The following RBFOX1 variants were observed in gnomAD, a reference collection of about 807,000 sequenced individuals.
The protein encoded by RBFOX1 is RNA binding fox-1 homolog 1, also known as RNA binding protein fox-1 homolog 1.
RBFOX1 carries 8 observed loss-of-function variants against 57.7 expected under a neutral mutation model. The ratio of observed to expected loss-of-function variants is 0.14; its 90% CI spans 0.08 to 0.25. The LOEUF (loss-of-function observed/expected upper bound fraction) is 0.25. RBFOX1 is among the 10% of genes least tolerant of loss of function. The pLI is 1.00. For synonymous variants in RBFOX1, 326 were observed against 222.4 expected (o/e 1.47, Z -4.15); for missense variants, 611 against 548.5 (o/e 1.11, Z -1.14).
chr16:6,218,073 G>A (rs1171708767), intron 1 of RBFOX1, among the ~76,000 whole-genome samples: 1 of 152,124 alleles, frequency 6.6e-6, no homozygotes, highest in Non-Finnish European at 1.5e-5. Flanking sequence ...AGTTCTGAAA[G>A]AAATTTTAAA....
intron 3 of RBFOX1, among the ~76,000 whole-genome samples, chr16:5,837,470 C>G (rs926553599): frequency 6.6e-6 from 1 of 152,046 alleles, no homozygotes; most frequent in Non-Finnish European, 1.5e-5. Context: ...AGAATTGCAA[C>G]GACTCTCAGC....
At chr16:5,725,110 T>A (rs1005821273) in intron 3 of RBFOX1, among the ~76,000 whole-genome samples, 1 of 152,188 alleles carries the variant, frequency 6.6e-6, no homozygotes, top group Non-Finnish European at 1.5e-5. Context: ...CCAGTACTAA[T>A]AAAATATTTG....
intron 1 of RBFOX1, among the ~76,000 whole-genome samples, chr16:6,182,241 G>T (rs971320790): frequency 6.6e-6 from 1 of 152,186 alleles, no homozygotes; most frequent in Non-Finnish European, 1.5e-5. Flanking sequence ...GTTACTGGAA[G>T]ATTAGGAACT....
intron 2 of RBFOX1, among the ~76,000 whole-genome samples, chr16:5,494,620 A>C (rs183293000): frequency 2.3e-4 from 35 of 152,274 alleles, no homozygotes; most frequent in African/African-American, 8.4e-4. Flanking sequence ...GTGTTCCTGG[A>C]GCCTGTGGGC....
intron 1 of RBFOX1, among the ~76,000 whole-genome samples, chr16:5,372,764 A>G (rs189572234): frequency 6.6e-6 from 1 of 152,234 alleles, no homozygotes; most frequent in African/African-American, 2.4e-5. Flanking sequence ...TTTGATTGCA[A>G]ATAAGGAGAT....
At chr16:7,260,454 T>A (rs2094874209) in intron 4 of RBFOX1, among the ~76,000 whole-genome samples, 1 of 151,858 alleles carries the variant, frequency 6.6e-6, no homozygotes, top group Non-Finnish European at 1.5e-5. Flanking sequence ...TTGTTCTGGG[T>A]GCTAAGGCAC....
intron 1 of RBFOX1, among the ~76,000 whole-genome samples, chr16:6,051,965 A>G (rs2095556577): frequency 6.6e-6 from 1 of 152,140 alleles, no homozygotes; most frequent in Admixed American, 6.5e-5. Flanking sequence ...CCTCACCTGG[A>G]CCGACAAGTT....
At chr16:6,987,302 G>C (rs139582316) in intron 3 of RBFOX1, among the ~76,000 whole-genome samples, 2 of 152,072 alleles carry the variant, frequency 1.3e-5, no homozygotes, top group Admixed American at 6.5e-5. Flanking sequence ...ATCTGGTTCA[G>C]TCCCTGAAGT....
intron 3 of RBFOX1, among the ~76,000 whole-genome samples, chr16:5,757,878 C>G (rs2053455812): frequency 6.6e-6 from 1 of 152,172 alleles, no homozygotes; most frequent in African/African-American, 2.4e-5. Flanking sequence ...GGGTCTCAAG[C>G]AATGAGAAGC....
At chr16:6,656,071 T>C (rs1185300494) in intron 3 of RBFOX1, among the ~76,000 whole-genome samples, 1 of 152,186 alleles carries the variant, frequency 6.6e-6, no homozygotes, top group Admixed American at 6.5e-5. Flanking sequence ...CATGTTTGCA[T>C]TCACCATGTG....
At chr16:7,152,841 C>G (rs2076356725) in intron 4 of RBFOX1, among the ~76,000 whole-genome samples, 1 of 152,036 alleles carries the variant, frequency 6.6e-6, no homozygotes, top group African/African-American at 2.4e-5. Context: ...GTGGGTGGCA[C>G]CGAGTCTTGC....
intron 2 of RBFOX1, among the ~76,000 whole-genome samples, chr16:6,414,535 G>A (rs1232895096): frequency 6.6e-6 from 1 of 152,210 alleles, no homozygotes; most frequent in Admixed American, 6.5e-5. Flanking sequence ...GTTTCCGGCA[G>A]TGACAAGTGC....
intron 3 of RBFOX1, among the ~76,000 whole-genome samples, chr16:7,021,834 G>A (rs1018014537): frequency 1.3e-5 from 2 of 151,188 alleles, no homozygotes; most frequent in Admixed American, 6.6e-5. Context: ...ATTCTTGAAG[G>A]TAGTTGGTAT....
At chr16:5,252,961 A>G (rs1431881415) in intron 1 of RBFOX1, among the ~76,000 whole-genome samples, 5 of 152,142 alleles carry the variant, frequency 3.3e-5, no homozygotes, top group Admixed American at 2.6e-4. Context: ...GCTTGTTCAC[A>G]TGCACGCAGC....
At chr16:6,516,071 G>A (rs187991854) in intron 2 of RBFOX1, among the ~76,000 whole-genome samples, 142 of 152,066 alleles carry the variant, frequency 9.3e-4, no homozygotes, top group Middle Eastern at 3.4e-3. Context: ...CTCCAATCCC[G>A]GAGCTGGAGT....
At chr16:7,609,809 TTGTTTG>T (rs1246624765) in intron 10 of RBFOX1, among the ~76,000 whole-genome samples, 1 of 148,388 alleles carries the variant, frequency 6.7e-6, no homozygotes, top group African/African-American at 2.4e-5. Flanking sequence ...GGGGTTTTGT[TTGTTTG>T]TTTGTTTGTT....
chr16:6,001,017 G>A (rs1047960996), intron 4 of RBFOX1, among the ~76,000 whole-genome samples: 1 of 152,080 alleles, frequency 6.6e-6, no homozygotes. Flanking sequence ...GAGTAGATGA[G>A]TGGGTGAGTG....
intron 2 of RBFOX1, among the ~76,000 whole-genome samples, chr16:6,514,826 G>A (rs184708532): frequency 1.1e-4 from 17 of 152,000 alleles, no homozygotes; most frequent in East Asian, 7.8e-4. Context: ...TCATGGATCC[G>A]CCCTCCCTTG....
At chr16:5,849,206 C>T (rs1037446756) in intron 3 of RBFOX1, among the ~76,000 whole-genome samples, 13 of 152,100 alleles carry the variant, frequency 8.5e-5, no homozygotes, top group Admixed American at 7.2e-4. Flanking sequence ...TGCATTAACT[C>T]ATATTTCTAA....
Sources: allele counts gnomAD v4.1 joint callset (sites outside exome capture counted in the v4.1 genomes callset), GRCh38; gene constraint gnomAD v4.1.1; transcripts MANE v1.5; gene names NCBI Gene and HGNC (gene_info 2026-07-23, HGNC 2026-07-21).